FSTL5: variants seen among roughly 807,000 people sequenced by gnomAD.
FSTL5 encodes the protein follistatin-related protein 5.
FSTL5 carries 62 observed loss-of-function variants against 89.1 expected under a neutral mutation model. The ratio of observed to expected loss-of-function variants is 0.70; its 90% CI spans 0.57 to 0.86. The LOEUF (loss-of-function observed/expected upper bound fraction) is 0.86, where lower values mean the gene tolerates loss of function less well. Ranked by LOEUF, FSTL5 falls within the 40% of genes least tolerant of loss-of-function variation. FSTL5 has a pLI of 0.00. For missense variants in FSTL5, 1,057 were observed against 1,001.6 expected (o/e 1.06, Z -0.75); for synonymous variants, 383 against 346.2 (o/e 1.11, Z -1.18).
chr4:161,663,945 G>GT, intron 6 of FSTL5, among the ~76,000 whole-genome samples: 1 of 152,190 alleles, frequency 6.6e-6, no homozygotes, highest in Non-Finnish European at 1.5e-5. Context: ...AACTGCCAAG[G>GT]CTTGTGGCTT....
chr4:161,458,675 G>T (rs1733452194), intron 14 of FSTL5, among the ~76,000 whole-genome samples: 1 of 152,072 alleles, frequency 6.6e-6, no homozygotes, highest in Non-Finnish European at 1.5e-5. Context: ...AACTTGTAAG[G>T]CTAAGGACTG....
chr4:161,669,956 T>G (rs1180775261), intron 6 of FSTL5, among the ~76,000 whole-genome samples: 1 of 152,286 alleles, frequency 6.6e-6, no homozygotes, highest in Admixed American at 6.5e-5. Flanking sequence ...AGCACTCTTT[T>G]ACTTACAAAA....
intron 15 of FSTL5, among the ~76,000 whole-genome samples, chr4:161,438,989 G>C (rs76850038): frequency 6.6e-6 from 1 of 151,056 alleles, no homozygotes; most frequent in African/African-American, 2.4e-5. Flanking sequence ...ATTGACAACT[G>C]TAAGGGACAA....
Position 161,437,565 on chromosome 4 carries a change from C to CAAAAAAAAAAAAAAAAAAAAAAAAAAA in FSTL5, c.1841+17438_1841+17439insTTTTTTTTTTTTTTTTTTTTTTTTTTT, listed in dbSNP as rs56229701. ...CTGGTGACAGAGTGAGACTCCGTCT[C>CAAAAAAAAAAAAAAAAAAAAAAAAAAA]AAAAAAAAAAAAAAAAACGAGGTCA... On this transcript the variant is annotated intron_variant, in intron 15 of 15. Transcript: ENST00000306100. Among the ~76,000 whole-genome samples, 205 of 68,478 alleles carry CAAAAAAAAAAAAAAAAAAAAAAAAAAA rather than the reference C, an allele frequency of 3.0e-3. 20 individuals are homozygous for CAAAAAAAAAAAAAAAAAAAAAAAAAAA. The highest frequency in any genetic ancestry group is 4.5e-3 in the East Asian group (6 of 1,326). 44.9% of individuals were successfully genotyped at this position (68,478 alleles called of 152,430 possible).
At chr4:161,686,402 A>C (rs1737747807) in intron 6 of FSTL5, among the ~76,000 whole-genome samples, 1 of 108,034 alleles carries the variant, frequency 9.3e-6, no homozygotes, top group African/African-American at 3.7e-5. Context: ...TCTGTCGCCC[A>C]GGCTGGAGTG....
chr4:161,416,859 A>G (rs1272315386), intron 15 of FSTL5, among the ~76,000 whole-genome samples: 2 of 151,690 alleles, frequency 1.3e-5, no homozygotes, highest in Non-Finnish European at 2.9e-5. Flanking sequence ...AAAAAAAAAA[A>G]AAGAAAGATT....
At chr4:162,058,457 C>T (rs895541732) in intron 2 of FSTL5, among the ~76,000 whole-genome samples, 51 of 126,170 alleles carry the variant, frequency 4.0e-4, no homozygotes, top group African/African-American at 1.4e-3. Context: ...GACAGGGTCT[C>T]GCTCTGTCCC....
At chr4:161,485,315 C>T (rs1003296276) in intron 12 of FSTL5, among the ~76,000 whole-genome samples, 5 of 152,208 alleles carry the variant, frequency 3.3e-5, no homozygotes, top group African/African-American at 1.2e-4. Context: ...AAAGCCAAGG[C>T]TCAGACTTTA....
At chr4:161,392,740 T>A (rs1037499998) in intron 15 of FSTL5, among the ~76,000 whole-genome samples, 2 of 152,124 alleles carry the variant, frequency 1.3e-5, no homozygotes, top group African/African-American at 2.4e-5. Context: ...TTTTTCTGAT[T>A]AATGTGTGTT....
intron 2 of FSTL5, among the ~76,000 whole-genome samples, chr4:162,043,624 C>G (rs1738059115): frequency 6.6e-6 from 1 of 152,086 alleles, no homozygotes; most frequent in Non-Finnish European, 1.5e-5. Context: ...TTCTTTCTTT[C>G]ATGAAAGATT....
rs71598720 is a variant in FSTL5, at chr4:161,606,240, ATTTTTT to A, written c.895-18671_895-18666del. ...TTTCCAGAGATAATGATTATCTGTG[ATTTTTT>A]TTTTTTTTTTTTTTTTTTGACGGAG... On this transcript the variant is annotated intron_variant, in intron 7 of 15. Coordinates refer to ENST00000306100, the MANE Select transcript of FSTL5 (RefSeq NM_020116.5). 1.8e-4 allele frequency among the ~76,000 whole-genome samples: 21 copies of A among 117,876 alleles called. No homozygotes were observed. In the South Asian group the frequency reaches 2.7e-3, roughly 15 times the overall value. The allele number at this position is 117,876 out of a possible 152,430, so 77.3% of individuals were successfully genotyped here. A position where few individuals can be genotyped will look rare whatever the true frequency, so the allele number is the denominator to read the frequency against.
intron 15 of FSTL5, among the ~76,000 whole-genome samples, chr4:161,402,688 T>C (rs546858226): frequency 1.2e-4 from 19 of 152,344 alleles, no homozygotes; most frequent in African/African-American, 4.3e-4. Flanking sequence ...ACACCTTTTA[T>C]AGAGCTTTGA....
At chr4:162,151,121 CTCCAATGGAGGTAT>C (rs1028658836) in intron 1 of FSTL5, among the ~76,000 whole-genome samples, 4 of 152,026 alleles carry the variant, frequency 2.6e-5, no homozygotes, top group Non-Finnish European at 5.9e-5. Context: ...TTCCAGAATG[CTCCAATGGAGGTAT>C]TCAACTGAAT....
At chr4:161,607,065 C>T (rs1226949651) in intron 7 of FSTL5, among the ~76,000 whole-genome samples, 1 of 152,056 alleles carries the variant, frequency 6.6e-6, no homozygotes, top group African/African-American at 2.4e-5. Flanking sequence ...AAGGTGATAA[C>T]TCAATAATGT....
chr4:161,659,339 G>A (rs1354600294), intron 6 of FSTL5, among the ~76,000 whole-genome samples: 1 of 152,012 alleles, frequency 6.6e-6, no homozygotes, highest in Non-Finnish European at 1.5e-5. Flanking sequence ...AATACACCAA[G>A]CCAATTATGT....
At chr4:161,424,048 T>TTG (rs1732087252) in intron 15 of FSTL5, among the ~76,000 whole-genome samples, 2 of 133,116 alleles carry the variant, frequency 1.5e-5, no homozygotes, top group African/African-American at 2.7e-5. Context: ...TTTTTTTTTT[T>TTG]TTGTATTTTT....
chr4:161,446,365 A>G (rs2126380035), intron 15 of FSTL5, among the ~76,000 whole-genome samples: 1 of 152,198 alleles, frequency 6.6e-6, no homozygotes, highest in African/African-American at 2.4e-5. Context: ...AAAATTATTT[A>G]TTTAATGGTA....
At chr4:161,811,938 T>G (rs375029114) in intron 4 of FSTL5, among the ~76,000 whole-genome samples, 2 of 152,160 alleles carry the variant, frequency 1.3e-5, no homozygotes, top group Admixed American at 6.5e-5. Flanking sequence ...AAAATGACTT[T>G]TACTACTACT....
chr4:162,086,523 A>G (rs1251757805), intron 2 of FSTL5, among the ~76,000 whole-genome samples: 3 of 151,896 alleles, frequency 2.0e-5, no homozygotes, highest in Non-Finnish European at 2.9e-5. Context: ...TTACTTTTTA[A>G]TCATCAAAGC....
Sources: allele counts gnomAD v4.1 joint callset (sites outside exome capture counted in the v4.1 genomes callset), GRCh38; gene constraint gnomAD v4.1.1; transcripts MANE v1.5; gene names NCBI Gene and HGNC (gene_info 2026-07-23, HGNC 2026-07-21).